TAF1: variants seen among roughly 807,000 people sequenced by gnomAD.
The protein encoded by TAF1 is transcription initiation factor TFIID subunit 1.
TAF1 carries 2 observed loss-of-function variants against 138.5 expected under a neutral mutation model. The ratio of observed to expected loss-of-function variants is 0.01; its 90% CI spans 0.01 to 0.05. The LOEUF (loss-of-function observed/expected upper bound fraction) is 0.05, where lower values mean the gene tolerates loss of function less well. Among genes scored for constraint, TAF1 ranks in the 10% least tolerant of loss-of-function variants. The pLI is 1.00. For missense variants in TAF1, 709 were observed against 1,478.0 expected (o/e 0.48, Z 8.53); for synonymous variants, 437 against 503.2 (o/e 0.87, Z 1.76).
intron 13 of TAF1, among the ~76,000 whole-genome samples, chrX:71,501,123 G>T (rs1009502260): frequency 2.6e-4 from 29 of 110,189 alleles, no homozygotes; most frequent in Non-Finnish European, 4.9e-4. Flanking sequence ...ATACCCTGAG[G>T]GAGGGAAGGG....
At chrX:71,380,262 C>T (rs1393209072) in intron 8 of TAF1, among the ~76,000 whole-genome samples, 1 of 110,186 alleles carries the variant, frequency 9.1e-6, no homozygotes, top group Non-Finnish European at 1.9e-5. Context: ...CTTTGTTGCC[C>T]AGACTGGTTT....
chrX:71,419,938 C>T (rs2036239984), intron 28 of TAF1: 1 of 219,159 alleles, frequency 4.6e-6, no homozygotes, highest in Non-Finnish European at 8.4e-6. Flanking sequence ...GGATTCTCCC[C>T]CCCTTCCACA....
At chrX:71,451,955 C>A (rs2037990038) in intron 32 of TAF1, among the ~76,000 whole-genome samples, 1 of 112,893 alleles carries the variant, frequency 8.9e-6, no homozygotes, top group Admixed American at 9.3e-5. Context: ...ACAAAACTGC[C>A]ATTGTCATCA....
intron 13 of TAF1, among the ~76,000 whole-genome samples, chrX:71,491,482 T>C (rs2039283572): frequency 9.0e-6 from 1 of 110,687 alleles, no homozygotes; most frequent in African/African-American, 3.3e-5. Context: ...GCACCTCCTG[T>C]ATTGTCATTA....
chrX:71,460,275 T>A (rs993967808), intron 36 of TAF1, among the ~76,000 whole-genome samples: 5 of 111,870 alleles, frequency 4.5e-5, no homozygotes, highest in Non-Finnish European at 7.5e-5. Context: ...AACAGAATGA[T>A]CAAGTGTTAT....
At chrX:71,483,723 C>T (rs1179270553) in intron 13 of TAF1, among the ~76,000 whole-genome samples, 1 of 102,765 alleles carries the variant, frequency 9.7e-6, no homozygotes, top group Non-Finnish European at 2.0e-5. Context: ...GCTTTTTACA[C>T]ATAATATATT....
chrX:71,367,754 TC>T (rs772037247), intron 2 of TAF1, 141 bp downstream of exon 2: 1 of 701,567 alleles, frequency 1.4e-6, no homozygotes, highest in East Asian at 3.5e-5. Flanking sequence ...GACTGCAGCC[TC>T]CGCCACCCGG....
chrX:71,390,588 C>T (rs186323223), intron 18 of TAF1, among the ~76,000 whole-genome samples: 3 of 111,966 alleles, frequency 2.7e-5, no homozygotes, highest in Non-Finnish European at 3.8e-5. Context: ...GAGATCACAG[C>T]TCACTGTAGC....
At chrX:71,406,587 C>T (rs1162235826) in intron 25 of TAF1, 51 bp from the exon 26 acceptor site, 1 of 1,115,816 alleles carries the variant, frequency 9.0e-7, no homozygotes, top group Non-Finnish European at 1.2e-6. Flanking sequence ...TTTTTTTCCC[C>T]CTGGGAACTA....
At position 71,503,708 on chromosome X, in the gene TAF1, C is replaced by CT. The variant is rs1271005916; in HGVS notation, c.1367-24824dup. ...ATGTGGTGTAATGTGGCTGGTTCAA[C>CT]TTTTTTTTTTCACAATCTTTTACTT... On this transcript the variant is annotated intron_variant and NMD_transcript_variant, in intron 13 of 14. Transcript: ENST00000373775. Among the ~76,000 whole-genome samples the CT allele has an allele frequency of 3.0e-4, 32 of 107,288 alleles. 1 individual carries two copies. The highest frequency in any genetic ancestry group is 7.9e-4 in the South Asian group (2 of 2,518). 93.2% of individuals were successfully genotyped at this position (107,288 alleles called of 115,157 possible).
rs762930942 is a variant in TAF1 at position 71,382,714 on chromosome X, T to C, written c.1666-47T>C. On this transcript the variant is annotated intron_variant, in intron 10 of 37. Transcript: ENST00000423759. The stretch of plus-strand genomic sequence containing the variant: ...TGTTTAGAAGAACAAAGAAAGGTAA[T>C]AGAGAAGGATAGTCTGACCGAGATT... The C allele has an allele frequency of 6.9e-5, 83 of 1,200,472 alleles. No homozygotes were observed. In the Middle Eastern group the frequency reaches 3.0e-3, roughly 44 times the overall value.
intron 32 of TAF1, among the ~76,000 whole-genome samples, chrX:71,424,705 C>T (rs1010182403): frequency 8.9e-6 from 1 of 112,124 alleles, no homozygotes; most frequent in Non-Finnish European, 1.9e-5. Flanking sequence ...TCACTGCAAC[C>T]TCCACCTCTC....
At chrX:71,426,896 A>G (rs757807840) in intron 32 of TAF1, among the ~76,000 whole-genome samples, 36 of 112,034 alleles carry the variant, frequency 3.2e-4, no homozygotes, top group African/African-American at 1.1e-3. Context: ...ACAATTTCTT[A>G]TAATTCCTTA....
At chrX:71,528,539 C>T (rs1189962015) in intron 13 of TAF1, 9 of 327,555 alleles carry the variant, frequency 2.7e-5, no homozygotes, top group South Asian at 5.3e-5. Context: ...TAACTCCTTA[C>T]AGGTACCAAT....
intron 7 of TAF1, 66 bp from the exon 8 acceptor site, chrX:71,378,758 A>G: frequency 9.2e-7 from 1 of 1,081,565 alleles, no homozygotes. Context: ...TTTAATGTGG[A>G]ATTTGGAGTG....
At position 71,424,300 on chromosome X, in the gene TAF1, C is replaced by G. The variant is rs973831450; in HGVS notation, c.4753+62C>G. The G allele has an allele frequency of 1.8e-5, 19 of 1,027,487 alleles. No individual in the cohort carries two copies. The Admixed American group carries it at 6.2e-4, about 34-fold the overall frequency. 84.7% of individuals were successfully genotyped at this position (1,027,487 alleles called of 1,213,427 possible). On this transcript the variant is annotated intron_variant, in intron 32 of 37. Transcript: ENST00000423759. Reference sequence around the variant, plus strand: ...TCCATCTTCTATCCATCTAACATTACTTAGCATTATTAAAAAATTTTTTTT... The same window carrying G: ...TCCATCTTCTATCCATCTAACATTAGTTAGCATTATTAAAAAATTTTTTTT...
intron 26 of TAF1, among the ~76,000 whole-genome samples, 167 bp from the exon 27 acceptor site, chrX:71,407,407 G>A (rs755051581): frequency 9.1e-6 from 1 of 109,347 alleles, no homozygotes; most frequent in African/African-American, 3.3e-5. Flanking sequence ...TAGTAGAGAC[G>A]GGGCTTCACC....
chrX:71,412,802 G>C (rs1021644241), intron 28 of TAF1, among the ~76,000 whole-genome samples: 1 of 112,285 alleles, frequency 8.9e-6, no homozygotes, highest in African/African-American at 3.2e-5. Flanking sequence ...TAGCCAGGTT[G>C]GTCTTGATCT....
In TAF1 at chrX:71,367,534, G is replaced by A; in HGVS notation, c.156G>A (p.Leu52=). The change falls in exon 2 of 38, where the codon TTG becomes TTA. Residue 52 remains leucine (L), a synonymous_variant. Transcript: ENST00000423759. The part of the protein sequence containing the change: ...CKKHLAGLGA[L]GLGSLITELT... Reference sequence around the variant, plus strand: ...AGCACTTGGCAGGCTTGGGGGCTTTGGGGCTGGGCAGCCTGATCACTGAAC... The same window carrying A: ...AGCACTTGGCAGGCTTGGGGGCTTTAGGGCTGGGCAGCCTGATCACTGAAC... The A allele has an allele frequency of 8.3e-7, 1 of 1,211,726 alleles. No individual in the cohort carries two copies. The highest frequency in any genetic ancestry group is 1.1e-6 in the Non-Finnish European group (1 of 895,546).
Sources: gnomAD v4.1 joint callset for allele counts (sites outside exome capture counted in the v4.1 genomes callset) on GRCh38, gnomAD v4.1.1 for gene constraint, MANE v1.5 for transcripts, NCBI Gene and HGNC (gene_info 2026-07-23, HGNC 2026-07-21) for gene names.